The following GPM6A variants were observed in gnomAD, a reference collection of about 807,000 sequenced individuals.
The protein encoded by GPM6A is glycoprotein M6A, also known as neuronal membrane glycoprotein M6-a.
GPM6A carries 7 observed loss-of-function variants against 32.1 expected under a neutral mutation model. That is an observed-to-expected ratio of 0.22 (90% CI 0.12 to 0.41). The LOEUF (loss-of-function observed/expected upper bound fraction) is 0.41. Ranked by LOEUF, GPM6A falls within the 10% of genes least tolerant of loss-of-function variation. The probability of loss-of-function intolerance (pLI) is 1.00; values close to 1 mark genes in which losing one functional copy is unlikely to be tolerated. For missense variants in GPM6A, 235 were observed against 347.2 expected (o/e 0.68, Z 2.57); for synonymous variants, 130 against 123.4 (o/e 1.05, Z -0.35).
intron 1 of GPM6A, among the ~76,000 whole-genome samples, chr4:175,948,958 AGTGTGTGT>A (rs34417872): frequency 2.1e-4 from 30 of 144,784 alleles, no homozygotes; most frequent in Non-Finnish European, 2.6e-4. Flanking sequence ...TTTGGTGGTA[AGTGTGTGT>A]GTGTGTGTGT....
intron 3 of GPM6A, among the ~76,000 whole-genome samples, chr4:175,667,249 C>G (rs1293872090): frequency 6.6e-6 from 1 of 152,054 alleles, no homozygotes; most frequent in Non-Finnish European, 1.5e-5. Context: ...GTATTTTAGA[C>G]AGCCTTGATA....
chr4:175,712,169 T>C (rs575634675), intron 1 of GPM6A, among the ~76,000 whole-genome samples: 2 of 152,124 alleles, frequency 1.3e-5, no homozygotes, highest in Admixed American at 6.5e-5. Context: ...GCAGTGAAAA[T>C]GAAGATTAGC....
At chr4:175,777,134 A>G (rs1258689760) in intron 1 of GPM6A, among the ~76,000 whole-genome samples, 1 of 152,214 alleles carries the variant, frequency 6.6e-6, no homozygotes, top group East Asian at 1.9e-4. Flanking sequence ...ATAGTGAGGT[A>G]TACTGTTGTT....
intron 1 of GPM6A, among the ~76,000 whole-genome samples, chr4:175,805,741 A>G (rs1323105019): frequency 2.6e-5 from 4 of 152,216 alleles, no homozygotes; most frequent in African/African-American, 9.6e-5. Context: ...AAAAGCCGAC[A>G]GTCATTCTTC....
At chr4:175,727,309 T>C (rs1250786223) in intron 1 of GPM6A, among the ~76,000 whole-genome samples, 1 of 152,116 alleles carries the variant, frequency 6.6e-6, no homozygotes, top group African/African-American at 2.4e-5. Context: ...ACTACGGCGG[T>C]TAGTTCACTC....
At chr4:175,975,886 T>C (rs773512267) in intron 1 of GPM6A, among the ~76,000 whole-genome samples, 9 of 152,160 alleles carry the variant, frequency 5.9e-5, no homozygotes, top group Non-Finnish European at 1.2e-4. Context: ...GCTGAGGTCA[T>C]TTTAAATGAT....
At chr4:175,785,134 T>C (rs1342435302) in intron 1 of GPM6A, among the ~76,000 whole-genome samples, 1 of 152,214 alleles carries the variant, frequency 6.6e-6, no homozygotes, top group Non-Finnish European at 1.5e-5. Context: ...CTTGCGACTG[T>C]TGCCTTAATC....
intron 1 of GPM6A, among the ~76,000 whole-genome samples, chr4:175,822,155 T>G (rs1735296244): frequency 6.6e-6 from 1 of 152,166 alleles, no homozygotes; most frequent in African/African-American, 2.4e-5. Context: ...GTAAGATGAT[T>G]ATACAAATTG....
chr4:175,667,517 C>T (rs1442489783), intron 3 of GPM6A, among the ~76,000 whole-genome samples: 9 of 152,064 alleles, frequency 5.9e-5, no homozygotes, highest in African/African-American at 2.2e-4. Context: ...AGGAAAAGAA[C>T]ATTTTACAAA....
chr4:175,674,728 G>A (rs986611955), intron 2 of GPM6A, among the ~76,000 whole-genome samples: 6 of 151,464 alleles, frequency 4.0e-5, no homozygotes, highest in South Asian at 2.1e-4. Flanking sequence ...ATGATAATGC[G>A]AATAATGAAA....
At chr4:175,774,687 G>A (rs1411881407) in intron 1 of GPM6A, among the ~76,000 whole-genome samples, 1 of 151,908 alleles carries the variant, frequency 6.6e-6, no homozygotes, top group Non-Finnish European at 1.5e-5. Context: ...TGTCACAATT[G>A]AACAACAGAG....
At chr4:175,909,476 A>C (rs1418818025) in intron 1 of GPM6A, among the ~76,000 whole-genome samples, 2 of 152,156 alleles carry the variant, frequency 1.3e-5, no homozygotes, top group South Asian at 2.1e-4. Flanking sequence ...TTTGTTTATA[A>C]ATAAATTCCT....
chr4:175,956,091 C>A (rs556037490), intron 1 of GPM6A, among the ~76,000 whole-genome samples: 70 of 152,246 alleles, frequency 4.6e-4, no homozygotes, highest in African/African-American at 1.5e-3. Flanking sequence ...CCATAGTGCA[C>A]GTGCGTCGTA....
At chr4:175,885,403 G>T (rs1252062425) in intron 1 of GPM6A, among the ~76,000 whole-genome samples, 2 of 152,222 alleles carry the variant, frequency 1.3e-5, no homozygotes, top group African/African-American at 4.8e-5. Flanking sequence ...CCTCTTGCTG[G>T]ATGATCTCTT....
rs1443941924 is a variant in GPM6A, at chr4:175,906,767, T to C, written c.-22-94518A>G. Reference sequence around the variant, plus strand: ...AGAGCTGTGGGTGCAGATGCTGCGATTGACTTGGATGGAATTCTACCCTGA... The same window carrying C: ...AGAGCTGTGGGTGCAGATGCTGCGACTGACTTGGATGGAATTCTACCCTGA... On this transcript the variant is annotated intron_variant, in intron 1 of 7. Transcript: ENST00000280187. The C allele has an allele frequency of 3.3e-5, 5 of 152,192 alleles. No homozygotes were observed. The South Asian group carries it at 6.2e-4, about 19-fold the overall frequency. 9.4% of individuals were successfully genotyped at this position (152,192 alleles called of 1,614,324 possible). A position where few individuals can be genotyped will look rare whatever the true frequency, so the allele number is the denominator to read the frequency against.
chr4:175,648,014 A>G (rs1325313417), intron 4 of GPM6A, among the ~76,000 whole-genome samples: 2 of 152,202 alleles, frequency 1.3e-5, no homozygotes, highest in Non-Finnish European at 2.9e-5. Context: ...ATAAATATTG[A>G]TAAATATGTT....
At chr4:175,881,375 A>G (rs1452543021) in intron 1 of GPM6A, among the ~76,000 whole-genome samples, 2 of 152,192 alleles carry the variant, frequency 1.3e-5, no homozygotes, top group Non-Finnish European at 2.9e-5. Flanking sequence ...GAGAAATAGG[A>G]ACACTTTTAC....
At chr4:175,707,038 A>T (rs1276903857) in intron 1 of GPM6A, among the ~76,000 whole-genome samples, 1 of 152,232 alleles carries the variant, frequency 6.6e-6, no homozygotes, top group Non-Finnish European at 1.5e-5. Context: ...AGGAACCATC[A>T]GTTCCAAAAA....
rs145993187 is a variant in GPM6A, at chr4:175,915,781, C to T, written c.-23+86528G>A. On this transcript the variant is annotated intron_variant, in intron 1 of 7. Transcript: ENST00000280187. ...AAAAAGGGTATGAGAAACCAGACAA[C>T]GCTGTCTGGTGATATGTTAGTCTTT... Among the ~76,000 whole-genome samples the T allele has an allele frequency of 1.4e-4, 22 of 152,326 alleles. No individual in the cohort carries two copies. The East Asian group carries it at 3.1e-3, about 21-fold the overall frequency.
Sources: gnomAD v4.1 joint callset for allele counts (sites outside exome capture counted in the v4.1 genomes callset) on GRCh38, gnomAD v4.1.1 for gene constraint, MANE v1.5 for transcripts, NCBI Gene and HGNC (gene_info 2026-07-23, HGNC 2026-07-21) for gene names.